CSGALNACT1: variants seen among roughly 807,000 people sequenced by gnomAD.
The protein encoded by CSGALNACT1 is beta4GalNAcT-1.
Under a neutral mutation model 51.0 loss-of-function variants are expected in CSGALNACT1, and 52 were observed. The ratio of observed to expected loss-of-function variants is 1.02; its 90% CI spans 0.82 to 1.29. The LOEUF (loss-of-function observed/expected upper bound fraction) is 1.29, where lower values mean the gene tolerates loss of function less well. CSGALNACT1 is among the 50% of genes most tolerant of loss of function. CSGALNACT1 has a pLI of 0.00. For synonymous variants in CSGALNACT1, 341 were observed against 254.4 expected (o/e 1.34, Z -3.24); for missense variants, 935 against 679.2 (o/e 1.38, Z -4.19).
At chr8:19,537,368 G>A (rs1397798567) in intron 3 of CSGALNACT1, among the ~76,000 whole-genome samples, 1 of 152,094 alleles carries the variant, frequency 6.6e-6, no homozygotes, top group Non-Finnish European at 1.5e-5. Flanking sequence ...GCTTCAGAGG[G>A]CTGAAAACTC....
upstream of CSGALNACT1, among the ~76,000 whole-genome samples, chr8:19,685,282 T>A (rs191198911): frequency 3.9e-5 from 6 of 152,248 alleles, no homozygotes; most frequent in East Asian, 1.2e-3. Context: ...CATAAGGCAG[T>A]TATGTCCCAT....
chr8:19,463,261 G>A lies in CSGALNACT1; in HGVS notation c.635-4619C>T, dbSNP rs927422604. ...AGGTTGATTCTATGGCTTCGCTATT[G>A]TGAATAGCACAATTTCATCTCTTTT... On this transcript the variant is annotated intron_variant, in intron 4 of 9. Transcript: ENST00000454498. Among the ~76,000 whole-genome samples, 4 of 152,012 alleles carry A rather than the reference G, an allele frequency of 2.6e-5. No individual in the cohort carries two copies. In the East Asian group the frequency reaches 5.8e-4, roughly 22 times the overall value.
chr8:19,428,381 A>C (rs1342597459), intron 6 of CSGALNACT1, among the ~76,000 whole-genome samples: 1 of 152,184 alleles, frequency 6.6e-6, no homozygotes, highest in East Asian at 1.9e-4. Context: ...ACGTGGCGGC[A>C]GGTGAGGGAG....
rs138812751 is a variant in CSGALNACT1 at position 19,537,506 on chromosome 8, A to T, written c.-296-31376T>A. ...TATTATTCAATATGTACATTTGACC[A>T]CCCCACTCAGCATAAATTCCTGTTC... On this transcript the variant is annotated intron_variant, in intron 3 of 9. Coordinates refer to ENST00000454498, the Ensembl canonical transcript of CSGALNACT1. Among the ~76,000 whole-genome samples, 994 of 152,150 alleles carry T rather than the reference A, an allele frequency of 6.5e-3. 12 individuals are homozygous for T. The highest frequency in any genetic ancestry group is 0.023 in the African/African-American group (946 of 41,496).
intron 1 of CSGALNACT1, among the ~76,000 whole-genome samples, chr8:19,658,121 T>G (rs1257592548): frequency 6.7e-6 from 1 of 148,712 alleles, no homozygotes; most frequent in African/African-American, 2.5e-5. Flanking sequence ...TGTGATAGAT[T>G]TGGAGATGGG....
chr8:19,562,132 C>T (rs1044026318), intron 3 of CSGALNACT1, among the ~76,000 whole-genome samples: 1 of 152,144 alleles, frequency 6.6e-6, no homozygotes, highest in African/African-American at 2.4e-5. Context: ...CCTGCCACCC[C>T]CACAGACCCC....
chr8:19,626,619 T>C (rs2054492036), intron 1 of CSGALNACT1, among the ~76,000 whole-genome samples: 1 of 152,214 alleles, frequency 6.6e-6, no homozygotes, highest in Admixed American at 6.5e-5. Context: ...CAAAGTATCT[T>C]GGGAATAGGA....
chr8:19,518,185 G>A (rs749380223), intron 3 of CSGALNACT1, among the ~76,000 whole-genome samples: 2 of 152,178 alleles, frequency 1.3e-5, no homozygotes, highest in Admixed American at 6.5e-5. Flanking sequence ...AATAGTAAGG[G>A]TATGGGAGTC....
At chr8:19,515,756 T>G (rs4436140) in intron 3 of CSGALNACT1, among the ~76,000 whole-genome samples, 23,519 of 151,970 alleles carry the variant, frequency 0.15, 2,170 homozygotes, top group Non-Finnish European at 0.21. Context: ...TGGCAAACTT[T>G]TAGAGAGGAG....
intron 1 of CSGALNACT1, among the ~76,000 whole-genome samples, chr8:19,674,255 T>C (rs1343675481): frequency 1.3e-5 from 2 of 152,110 alleles, no homozygotes; most frequent in African/African-American, 4.8e-5. Flanking sequence ...ACAGTGCCAC[T>C]GCGCTCCAGC....
At chr8:19,726,386 T>C (rs960029343) in intron 1 of CSGALNACT1, among the ~76,000 whole-genome samples, 1 of 152,230 alleles carries the variant, frequency 6.6e-6, no homozygotes, top group Non-Finnish European at 1.5e-5. Context: ...ACAACTACTG[T>C]TGTGAAATGA....
chr8:19,651,267 T>C (rs7837353), intron 1 of CSGALNACT1, among the ~76,000 whole-genome samples: 39,582 of 152,048 alleles, frequency 0.26, 5,641 homozygotes, highest in East Asian at 0.57. Flanking sequence ...TATTTAATTT[T>C]CTCCAACTTT....
At chr8:19,645,337 T>C (rs1007811313) in intron 1 of CSGALNACT1, among the ~76,000 whole-genome samples, 1 of 152,200 alleles carries the variant, frequency 6.6e-6, no homozygotes, top group Non-Finnish European at 1.5e-5. Flanking sequence ...ACATGGAGAA[T>C]ACTGTCCAAC....
chr8:19,698,038 G>C (rs2061669475), intron 1 of CSGALNACT1, among the ~76,000 whole-genome samples: 1 of 151,304 alleles, frequency 6.6e-6, no homozygotes, highest in African/African-American at 2.4e-5. Flanking sequence ...GGTGAGAAGG[G>C]TCACAGTGTT....
Position 19,757,480 on chromosome 8 carries a change from C to A in CSGALNACT1, c.-297+370G>T, listed in dbSNP as rs889667390. 6.6e-6 allele frequency among the ~76,000 whole-genome samples: 1 copy of A among 152,210 alleles called. No homozygotes were observed. The highest frequency in any genetic ancestry group is 2.4e-5 in the African/African-American group (1 of 41,574). On this transcript the variant is annotated intron_variant, in intron 1 of 1. Coordinates refer to the CSGALNACT1 transcript ENST00000517494. The surrounding 1 kb of genome is among the most constrained non-coding windows in gnomAD (Gnocchi z 4.0). Reference sequence around the variant, plus strand: ...CGTCACCCACGGCCTCTCTGCAGTGCGTCCCTGCGCCCGTCGGAGCGGCGC... The same window carrying A: ...CGTCACCCACGGCCTCTCTGCAGTGAGTCCCTGCGCCCGTCGGAGCGGCGC...
At chr8:19,672,206 T>G (rs1380232093) in intron 1 of CSGALNACT1, among the ~76,000 whole-genome samples, 1 of 152,186 alleles carries the variant, frequency 6.6e-6, no homozygotes, top group African/African-American at 2.4e-5. Flanking sequence ...CTCATGGAAT[T>G]TCTTCGGCTT....
chr8:19,713,750 A>T (rs547195306), intron 1 of CSGALNACT1, among the ~76,000 whole-genome samples: 1 of 152,300 alleles, frequency 6.6e-6, no homozygotes, highest in South Asian at 2.1e-4. Context: ...CCCTGAGGAC[A>T]CCTTAATTCC....
intron 3 of CSGALNACT1, among the ~76,000 whole-genome samples, chr8:19,515,573 A>G (rs2079362291): frequency 6.6e-6 from 1 of 152,260 alleles, no homozygotes; most frequent in African/African-American, 2.4e-5. Context: ...TAACTAAGTA[A>G]AAGAATTCTG....
chr8:19,449,274 A>C (rs1399308849), intron 5 of CSGALNACT1, among the ~76,000 whole-genome samples: 1 of 152,204 alleles, frequency 6.6e-6, no homozygotes, highest in Non-Finnish European at 1.5e-5. Flanking sequence ...TAAATACATG[A>C]ATGATATAGA....
Sources: gnomAD v4.1 joint callset for allele counts (sites outside exome capture counted in the v4.1 genomes callset) on GRCh38, gnomAD v4.1.1 for gene constraint, Gnocchi (gnomAD v3.1) non-coding constraint, MANE v1.5 for transcripts, NCBI Gene and HGNC (gene_info 2026-07-23, HGNC 2026-07-21) for gene names.